Variants in DNM3 observed in about 807,000 individuals in gnomAD.
DNM3 encodes the protein dynamin 3.
Under a neutral mutation model 101.6 loss-of-function variants are expected in DNM3, and 47 were observed. The ratio of observed to expected loss-of-function variants is 0.46; its 90% confidence interval spans 0.37 to 0.59. The LOEUF is 0.59. Ranked by LOEUF, DNM3 falls within the 20% of genes least tolerant of loss-of-function variation. The pLI, the probability that DNM3 is intolerant of heterozygous loss-of-function variation, is 0.00. For synonymous variants in DNM3, 385 were observed against 387.9 expected, an observed-to-expected ratio of 0.99 and a Z score of 0.09; for missense variants, 849 against 1,085.7, an observed-to-expected ratio of 0.78 and a Z score of 3.06.
In DNM3 at chr1:172,110,806, C is replaced by T. The variant is rs932041594; in HGVS notation, c.1545+17931C>T. Among the ~76,000 whole-genome samples, 3 of 152,162 alleles carry T rather than the reference C, an allele frequency of 2.0e-5. No homozygotes were observed. In the East Asian group the frequency reaches 5.8e-4, roughly 29 times the overall value. On this transcript the variant is annotated intron_variant, in intron 13 of 20. Coordinates refer to ENST00000627582, the MANE Select transcript of DNM3 (RefSeq NM_015569.5). ...ATCCTAGCACTTTGAAAGGGTGAGGCAGGTGGATTGCTTGAGCCCAGGAGT... is the reference window on the plus strand; with the variant it reads ...ATCCTAGCACTTTGAAAGGGTGAGGTAGGTGGATTGCTTGAGCCCAGGAGT...
At chr1:172,041,538 C>T (rs140282046) in intron 7 of DNM3, among the ~76,000 whole-genome samples, 1 of 152,204 alleles carries the variant, frequency 6.6e-6, no homozygotes, top group Non-Finnish European at 1.5e-5. Context: ...AACTATTTCT[C>T]AATAGCCCTT....
intron 1 of DNM3, among the ~76,000 whole-genome samples, chr1:171,851,051 A>G (rs1027510142): frequency 6.6e-6 from 1 of 152,132 alleles, no homozygotes; most frequent in Non-Finnish European, 1.5e-5. Flanking sequence ...ACAGGTAAGC[A>G]AGGTAGCATG....
At chr1:171,987,830 ATTC>A (rs2045368487) in intron 3 of DNM3, 25 bp downstream of exon 3, 1 of 1,524,500 alleles carries the variant, frequency 6.6e-7, no homozygotes, top group South Asian at 1.3e-5. Context: ...AAAATTCCAA[ATTC>A]TTCTCCTCAA....
rs139493074 is a variant in DNM3 at position 172,080,633 on chromosome 1, C to T, written c.1423-1199C>T. ...TCAGCCCCCTTTCCAGGGGAGTGAA[C>T]GGTTCTGTCTTGCTGGCATTCCAGG... On this transcript the variant is annotated intron_variant, in intron 11 of 20. Transcript: ENST00000627582. Among the ~76,000 whole-genome samples, 1,074 of 152,174 alleles carry T rather than the reference C, an allele frequency of 7.1e-3. 17 individuals carry two copies. Among genetic ancestry groups the T allele is most frequent in the African/African-American group, 0.024 (1,011 of 41,510 alleles).
At chr1:172,254,127 T>C (rs2062303271) in intron 15 of DNM3, among the ~76,000 whole-genome samples, 1 of 152,066 alleles carries the variant, frequency 6.6e-6, no homozygotes. Context: ...AAAAATTGTT[T>C]TGTATGCAGT....
intron 14 of DNM3, among the ~76,000 whole-genome samples, chr1:172,213,791 G>A (rs1199928378): frequency 6.6e-6 from 1 of 151,080 alleles, no homozygotes; most frequent in Non-Finnish European, 1.5e-5. Flanking sequence ...TCATGTCACT[G>A]CACTCCAGCC....
intron 17 of DNM3, among the ~76,000 whole-genome samples, chr1:172,356,219 G>C (rs760311603): frequency 3.3e-5 from 5 of 152,114 alleles, no homozygotes; most frequent in Non-Finnish European, 7.4e-5. Context: ...AAATGATCCA[G>C]AAGGAACATG....
intron 17 of DNM3, among the ~76,000 whole-genome samples, chr1:172,373,614 G>A (rs2068459938): frequency 6.6e-6 from 1 of 151,970 alleles, no homozygotes; most frequent in African/African-American, 2.4e-5. Context: ...GACTCTCTTT[G>A]TTTTTGCCAC....
chr1:171,851,487 C>T (rs1482491368), intron 1 of DNM3, among the ~76,000 whole-genome samples: 2 of 152,212 alleles, frequency 1.3e-5, no homozygotes, highest in Admixed American at 6.5e-5. Context: ...GATCTCAGCT[C>T]ACTGCAACCT....
intron 14 of DNM3, among the ~76,000 whole-genome samples, chr1:172,227,541 C>T (rs1557846655): frequency 1.3e-5 from 2 of 151,874 alleles, no homozygotes; most frequent in Non-Finnish European, 2.9e-5. Flanking sequence ...ATTTACATTC[C>T]AACCAGCAGT....
chr1:171,975,608 A>G (rs943213467), intron 2 of DNM3, among the ~76,000 whole-genome samples: 1 of 152,238 alleles, frequency 6.6e-6, no homozygotes, highest in Non-Finnish European at 1.5e-5. Flanking sequence ...TTAGCAAAAC[A>G]TGTTGTGGTT....
At chr1:172,001,585 C>T (rs766074175) in intron 4 of DNM3, among the ~76,000 whole-genome samples, 9 of 152,034 alleles carry the variant, frequency 5.9e-5, no homozygotes, top group South Asian at 2.1e-4. Context: ...GTCTGGAAAT[C>T]CCTTTCACGG....
intron 17 of DNM3, among the ~76,000 whole-genome samples, chr1:172,341,763 A>G (rs771569395): frequency 2.0e-5 from 3 of 151,682 alleles, no homozygotes; most frequent in Admixed American, 6.6e-5. Context: ...TGTAAAATCT[A>G]TAAGTATAAA....
chr1:171,842,346 C>G (rs1175879347), intron 1 of DNM3, among the ~76,000 whole-genome samples: 4 of 152,190 alleles, frequency 2.6e-5, no homozygotes, highest in Admixed American at 2.0e-4. Context: ...TCGTTCCTCT[C>G]AGCTGTCTAC....
At chr1:172,412,727 CTCATTCTTGTATATATTTGAG>C (rs1324345760), downstream of DNM3, 1 of 985,536 alleles carries the variant, frequency 1.0e-6, no homozygotes, top group East Asian at 1.1e-4. Flanking sequence ...ACCCCTTTTC[CTCATTCTTGTATATATTTGAG>C]TCATGTCTAT....
intron 14 of DNM3, among the ~76,000 whole-genome samples, chr1:172,150,545 G>A (rs1024350167): frequency 6.6e-6 from 1 of 152,084 alleles, no homozygotes; most frequent in African/African-American, 2.4e-5. Context: ...TTTATGTCAG[G>A]GTCCATGCTA....
At chr1:171,883,663 G>C (rs1244407138) in intron 1 of DNM3, among the ~76,000 whole-genome samples, 2 of 151,786 alleles carry the variant, frequency 1.3e-5, no homozygotes, top group African/African-American at 4.8e-5. Flanking sequence ...GTAGAGACAG[G>C]GTTTTACCAT....
At chr1:171,910,784 G>A (rs927414836) in intron 1 of DNM3, among the ~76,000 whole-genome samples, 1 of 152,188 alleles carries the variant, frequency 6.6e-6, no homozygotes, top group Admixed American at 6.5e-5. Flanking sequence ...TTATAGAAAT[G>A]AGCAAGGTTG....
intron 15 of DNM3, among the ~76,000 whole-genome samples, chr1:172,275,514 C>T (rs979047812): frequency 5.9e-5 from 9 of 151,974 alleles, no homozygotes; most frequent in African/African-American, 2.2e-4. Context: ...CAGTTGTTGA[C>T]ATTTCAACCT....
Sources: gnomAD v4.1 joint callset for allele counts (sites outside exome capture counted in the v4.1 genomes callset) on GRCh38, gnomAD v4.1.1 for gene constraint, MANE v1.5 for transcripts, NCBI Gene and HGNC (gene_info 2026-07-23, HGNC 2026-07-21) for gene names.